Variants in ESRRG observed in about 807,000 individuals in gnomAD.
The protein encoded by ESRRG is estrogen related receptor gamma, also known as estrogen-related receptor gamma.
A neutral mutation model predicts 44.0 loss-of-function variants in ESRRG; 13 were observed. The ratio of observed to expected loss-of-function variants is 0.30; its 90% confidence interval spans 0.19 to 0.47. The LOEUF (loss-of-function observed/expected upper bound fraction) is 0.47. ESRRG is among the 20% of genes least tolerant of loss of function. ESRRG has a pLI of 1.00. For missense variants in ESRRG, 395 were observed against 580.6 expected (o/e 0.68, Z 3.29); for synonymous variants, 215 against 214.6 (o/e 1.00, Z -0.02).
At chr1:216,576,788 G>A (rs1036947568) in intron 3 of ESRRG, among the ~76,000 whole-genome samples, 6 of 151,988 alleles carry the variant, frequency 3.9e-5, no homozygotes, top group African/African-American at 1.2e-4. Context: ...CTGAAGCATG[G>A]AGCCCTAATC....
intron 3 of ESRRG, among the ~76,000 whole-genome samples, chr1:216,645,384 C>T (rs2067320629): frequency 1.3e-5 from 2 of 151,858 alleles, no homozygotes; most frequent in Non-Finnish European, 1.5e-5. Flanking sequence ...CTCTTGGTGT[C>T]ATATATTGGA....
intron 2 of ESRRG, among the ~76,000 whole-genome samples, chr1:216,826,201 A>C (rs1038600996): frequency 2.0e-5 from 3 of 149,248 alleles, no homozygotes; most frequent in Admixed American, 6.7e-5. Context: ...AAAAAAAAAA[A>C]AACACACACA....
At chr1:216,605,570 T>C (rs1175158919) in intron 3 of ESRRG, among the ~76,000 whole-genome samples, 3 of 152,202 alleles carry the variant, frequency 2.0e-5, no homozygotes, top group South Asian at 2.1e-4. Flanking sequence ...TATATGTGTC[T>C]ATGTATACTG....
At chr1:217,110,236 A>G (rs2092646171) in intron 1 of ESRRG, among the ~76,000 whole-genome samples, 1 of 152,202 alleles carries the variant, frequency 6.6e-6, no homozygotes, top group Non-Finnish European at 1.5e-5. Flanking sequence ...AAAAGCAACT[A>G]CTAGTTAATC....
At chr1:216,563,022 C>T (rs1442675479) in intron 5 of ESRRG, among the ~76,000 whole-genome samples, 1 of 152,130 alleles carries the variant, frequency 6.6e-6, no homozygotes, top group Non-Finnish European at 1.5e-5. Flanking sequence ...CAATCAAATT[C>T]TTATTCTTCT....
chr1:216,542,520 A>G (rs2053200557), intron 5 of ESRRG, among the ~76,000 whole-genome samples: 1 of 152,016 alleles, frequency 6.6e-6, no homozygotes, highest in Non-Finnish European at 1.5e-5. Context: ...GAATTAACAG[A>G]TAGAAAGCTG....
At chr1:216,893,233 C>T (rs2058030721) in intron 2 of ESRRG, among the ~76,000 whole-genome samples, 2 of 152,064 alleles carry the variant, frequency 1.3e-5, no homozygotes. Context: ...AAACATTCTG[C>T]CAGGCAATAT....
intron 3 of ESRRG, among the ~76,000 whole-genome samples, chr1:216,596,370 T>G (rs1454309225): frequency 1.3e-5 from 2 of 152,174 alleles, no homozygotes; most frequent in African/African-American, 4.8e-5. Context: ...GCTTCAGAGA[T>G]GGAGGGGGCA....
At chr1:217,077,148 T>C (rs2091375859) in intron 1 of ESRRG, among the ~76,000 whole-genome samples, 1 of 152,218 alleles carries the variant, frequency 6.6e-6, no homozygotes. Context: ...CACTGGCAGT[T>C]AGTGGTGGCT....
At chr1:217,064,416 A>C (rs2089257869) in intron 1 of ESRRG, among the ~76,000 whole-genome samples, 1 of 152,176 alleles carries the variant, frequency 6.6e-6, no homozygotes, top group Non-Finnish European at 1.5e-5. Context: ...ACTGAGGCTG[A>C]ATGATGCTAA....
At chr1:216,892,983 A>G (rs1427501720) in intron 2 of ESRRG, among the ~76,000 whole-genome samples, 6 of 152,114 alleles carry the variant, frequency 3.9e-5, no homozygotes, top group Non-Finnish European at 5.9e-5. Flanking sequence ...TTCTGCCCAC[A>G]AGAATAAAGT....
intron 2 of ESRRG, among the ~76,000 whole-genome samples, chr1:216,884,328 CTT>C (rs1264402554): frequency 6.6e-6 from 1 of 152,240 alleles, no homozygotes; most frequent in Non-Finnish European, 1.5e-5. Flanking sequence ...CAAATTCACT[CTT>C]TGTTACACAC....
At chr1:216,717,104 T>C (rs1489715496) in intron 1 of ESRRG, among the ~76,000 whole-genome samples, 1 of 151,906 alleles carries the variant, frequency 6.6e-6, no homozygotes, top group Non-Finnish European at 1.5e-5. Flanking sequence ...TTAAACATTA[T>C]AAGGGGAAAT....
chr1:216,931,659 C>A (rs1307134011), intron 2 of ESRRG, among the ~76,000 whole-genome samples: 4 of 152,146 alleles, frequency 2.6e-5, no homozygotes, highest in Non-Finnish European at 5.9e-5. Flanking sequence ...GGTTACTGCA[C>A]TGATCACACA....
intron 2 of ESRRG, among the ~76,000 whole-genome samples, chr1:216,813,463 C>T (rs1291449387): frequency 6.6e-6 from 1 of 152,152 alleles, no homozygotes; most frequent in Non-Finnish European, 1.5e-5. Context: ...TATGTCCCAA[C>T]TCAGAGGATA....
At chr1:216,755,365 T>C (rs2092380355) in intron 2 of ESRRG, among the ~76,000 whole-genome samples, 1 of 151,972 alleles carries the variant, frequency 6.6e-6, no homozygotes, top group African/African-American at 2.4e-5. Flanking sequence ...GGACTCTAGA[T>C]CTTAGAGCCC....
intron 1 of ESRRG, among the ~76,000 whole-genome samples, chr1:216,957,364 C>G (rs1287561362): frequency 6.6e-6 from 1 of 152,152 alleles, no homozygotes; most frequent in Non-Finnish European, 1.5e-5. Flanking sequence ...ACTCATTTAT[C>G]TATCTTCCTA....
At chr1:216,577,233 A>C (rs2061850279) in intron 3 of ESRRG, among the ~76,000 whole-genome samples, 1 of 151,886 alleles carries the variant, frequency 6.6e-6, no homozygotes. Flanking sequence ...GAACATAGGG[A>C]TTGTCTTTAA....
intron 2 of ESRRG, among the ~76,000 whole-genome samples, chr1:216,749,669 A>C (rs570953457): frequency 6.6e-6 from 1 of 152,256 alleles, no homozygotes; most frequent in East Asian, 1.9e-4. Context: ...GCTATTTTTA[A>C]TATTATTTTA....
Sources: gnomAD v4.1 joint callset for allele counts (sites outside exome capture counted in the v4.1 genomes callset) on GRCh38, gnomAD v4.1.1 for gene constraint, MANE v1.5 for transcripts, NCBI Gene and HGNC (gene_info 2026-07-23, HGNC 2026-07-21) for gene names.